FGGY: variants seen among roughly 807,000 people sequenced by gnomAD.
FGGY encodes the protein FGGY carbohydrate kinase domain containing, also known as FGGY carbohydrate kinase domain-containing protein.
FGGY carries 72 observed loss-of-function variants against 71.3 expected under a neutral mutation model. The ratio of observed to expected loss-of-function variants is 1.01; its 90% CI spans 0.84 to 1.23. The LOEUF (loss-of-function observed/expected upper bound fraction) is 1.23, where lower values mean the gene tolerates loss of function less well. Among genes scored for constraint, FGGY ranks in the 50% most tolerant of loss-of-function variants. The probability of loss-of-function intolerance (pLI) is 0.00; values close to 1 mark genes in which losing one functional copy is unlikely to be tolerated. For missense variants in FGGY, 668 were observed against 682.3 expected (o/e 0.98, Z 0.23); for synonymous variants, 251 against 250.3 (o/e 1.00, Z -0.02).
chr1:59,685,360 C>G (rs956629132), intron 14 of FGGY, among the ~76,000 whole-genome samples: 1 of 152,046 alleles, frequency 6.6e-6, no homozygotes, highest in South Asian at 2.1e-4. Flanking sequence ...AGTAGGAATG[C>G]AGCTGCTGCA....
intron 5 of FGGY, among the ~76,000 whole-genome samples, chr1:59,445,822 T>C (rs1299260377): frequency 6.6e-6 from 1 of 152,234 alleles, no homozygotes; most frequent in Non-Finnish European, 1.5e-5. Flanking sequence ...GTAACCAGTC[T>C]TTGTAATGTT....
intron 5 of FGGY, among the ~76,000 whole-genome samples, chr1:59,381,992 G>C (rs78951247): frequency 6.6e-6 from 1 of 152,284 alleles, no homozygotes; most frequent in Non-Finnish European, 1.5e-5. Context: ...CGAGCCTCTT[G>C]TCATGATGAC....
At chr1:59,431,566 A>T (rs2067365213) in intron 5 of FGGY, among the ~76,000 whole-genome samples, 2 of 152,308 alleles carry the variant, frequency 1.3e-5, no homozygotes, top group East Asian at 3.9e-4. Context: ...GATGCTTTCC[A>T]TGAGATCATC....
At chr1:59,587,846 A>G (rs1450250528) in intron 8 of FGGY, among the ~76,000 whole-genome samples, 2 of 152,188 alleles carry the variant, frequency 1.3e-5, no homozygotes, top group African/African-American at 4.8e-5. Flanking sequence ...AAAGATGGGG[A>G]AAAAACAGAG....
chr1:59,606,347 G>C (rs1558520132), intron 8 of FGGY, among the ~76,000 whole-genome samples: 1 of 152,026 alleles, frequency 6.6e-6, no homozygotes, highest in Non-Finnish European at 1.5e-5. Flanking sequence ...CTTGTCAAAA[G>C]TAAAATGAGA....
intron 10 of FGGY, among the ~76,000 whole-genome samples, chr1:59,628,295 G>A (rs1422233199): frequency 6.6e-6 from 1 of 152,128 alleles, no homozygotes; most frequent in Non-Finnish European, 1.5e-5. Context: ...CCATGTTCTT[G>A]CCCAAAATGA....
At chr1:59,594,405 G>A (rs771148520) in intron 8 of FGGY, among the ~76,000 whole-genome samples, 13 of 152,140 alleles carry the variant, frequency 8.5e-5, no homozygotes, top group Non-Finnish European at 1.5e-4. Context: ...CCAAATATCC[G>A]GTAAGGTGAA....
At chr1:59,739,570 T>A (rs2098131268) in intron 14 of FGGY, among the ~76,000 whole-genome samples, 1 of 152,214 alleles carries the variant, frequency 6.6e-6, no homozygotes, top group African/African-American at 2.4e-5. Context: ...AACAGACCTG[T>A]CTGATAACCC....
intron 14 of FGGY, among the ~76,000 whole-genome samples, chr1:59,744,486 GC>G (rs1432127499): frequency 6.6e-6 from 1 of 152,180 alleles, no homozygotes; most frequent in Non-Finnish European, 1.5e-5. Context: ...CTTCCAAAGT[GC>G]TGGGATTACA....
intron 11 of FGGY, among the ~76,000 whole-genome samples, chr1:59,646,078 C>T (rs765181581): frequency 4.0e-4 from 61 of 152,194 alleles, no homozygotes; most frequent in Non-Finnish European, 7.6e-4. Context: ...CTGTAGGCAT[C>T]ACTAAACAGA....
At chr1:59,504,883 AAACT>A (rs2153615232) in intron 6 of FGGY, among the ~76,000 whole-genome samples, 1 of 152,340 alleles carries the variant, frequency 6.6e-6, no homozygotes, top group Admixed American at 6.5e-5. Context: ...CGTCTTAAAA[AAACT>A]AAGTTCAGCT....
chr1:59,368,360 C>T (rs188153333), intron 4 of FGGY, among the ~76,000 whole-genome samples: 40 of 152,300 alleles, frequency 2.6e-4, no homozygotes, highest in Non-Finnish European at 5.0e-4. Context: ...GGCCCAAAAT[C>T]ACACCTCTGA....
chr1:59,366,681 A>G (rs2056649758), intron 4 of FGGY, among the ~76,000 whole-genome samples: 1 of 152,108 alleles, frequency 6.6e-6, no homozygotes, highest in African/African-American at 2.4e-5. Context: ...TATATCTCCC[A>G]AAACTCTGCA....
At chr1:59,587,752 A>G (rs559146546) in intron 8 of FGGY, among the ~76,000 whole-genome samples, 9 of 152,328 alleles carry the variant, frequency 5.9e-5, no homozygotes, top group African/African-American at 2.2e-4. Flanking sequence ...TGTTAGAAGG[A>G]AAACTAACAA....
chr1:59,757,557 C>T (rs190722177), intron 14 of FGGY, among the ~76,000 whole-genome samples: 7 of 152,212 alleles, frequency 4.6e-5, no homozygotes, highest in African/African-American at 2.4e-5. Context: ...ATGTACTCAG[C>T]GGCTGGTTAT....
intron 7 of FGGY, among the ~76,000 whole-genome samples, chr1:59,522,602 C>T (rs1397476409): frequency 1.3e-5 from 2 of 152,144 alleles, no homozygotes; most frequent in Non-Finnish European, 2.9e-5. Context: ...ATTTTGTTTA[C>T]TAAATTTGTT....
chr1:59,709,889 G>T (rs1171455114), intron 14 of FGGY, among the ~76,000 whole-genome samples: 4 of 152,168 alleles, frequency 2.6e-5, no homozygotes, highest in African/African-American at 9.7e-5. Flanking sequence ...TCTGTGTGTT[G>T]TCAGCCTGAC....
At chr1:59,541,036 C>T (rs72917719) in intron 7 of FGGY, among the ~76,000 whole-genome samples, 1 of 152,124 alleles carries the variant, frequency 6.6e-6, no homozygotes, top group Non-Finnish European at 1.5e-5. Flanking sequence ...ATAGTGGTGG[C>T]AAGTAGGCTT....
At chr1:59,653,272 G>A (rs940671275) in intron 11 of FGGY, among the ~76,000 whole-genome samples, 1 of 152,220 alleles carries the variant, frequency 6.6e-6, no homozygotes, top group East Asian at 1.9e-4. Flanking sequence ...GAGCTGTGGT[G>A]GACTCCACCC....
Sources: gnomAD v4.1 joint callset for allele counts (sites outside exome capture counted in the v4.1 genomes callset) on GRCh38, gnomAD v4.1.1 for gene constraint, MANE v1.5 for transcripts, NCBI Gene and HGNC (gene_info 2026-07-23, HGNC 2026-07-21) for gene names.